SYT9: variants seen among roughly 807,000 people sequenced by gnomAD.
SYT9 encodes synaptotagmin 9, also known as synaptotagmin-9.
SYT9 carries 22 observed loss-of-function variants against 48.4 expected under a neutral mutation model. The ratio of observed to expected loss-of-function variants is 0.45; its 90% CI spans 0.32 to 0.65. SYT9 has a LOEUF of 0.65. SYT9 is among the 30% of genes least tolerant of loss of function. SYT9 has a pLI of 0.03. For missense variants in SYT9, 577 were observed against 622.0 expected, an observed-to-expected ratio of 0.93 and a Z score of 0.77; for synonymous variants, 265 against 245.0, an observed-to-expected ratio of 1.08 and a Z score of -0.76.
At chr11:7,255,037 G>A (rs1487861) in intron 1 of SYT9, among the ~76,000 whole-genome samples, 2 of 152,136 alleles carry the variant, frequency 1.3e-5, no homozygotes, top group African/African-American at 4.8e-5. Flanking sequence ...GTCACAGTTG[G>A]AACTGAAGTG....
At chr11:7,239,137 G>A (rs773222975) in intron 1 of SYT9, among the ~76,000 whole-genome samples, 1 of 152,094 alleles carries the variant, frequency 6.6e-6, no homozygotes, top group Non-Finnish European at 1.5e-5. Context: ...TTGGCAACTA[G>A]GAACCCAGAC....
rs1269628930 is a variant in SYT9, at chr11:7,468,654, A to T, written c.*1854A>T. 1 of 213,044 alleles carries T rather than the reference A, an allele frequency of 4.7e-6. No individual in the cohort carries two copies. The highest frequency in any genetic ancestry group is 2.3e-5 in the African/African-American group (1 of 43,748). The allele number at this position is 213,044 out of a possible 1,614,324, so 13.2% of individuals were successfully genotyped here. On this transcript the variant is annotated 3_prime_UTR_variant, in exon 7 of 7. Coordinates refer to ENST00000318881, the MANE Select transcript of SYT9 (RefSeq NM_175733.4). The stretch of plus-strand genomic sequence containing the variant: ...TCCCAGAGAAAGCAGACTGGCTCCA[A>T]TAGATATCAGGCAGCAATCCCAATA...
At chr11:7,308,539 T>C (rs144135757) in intron 2 of SYT9, among the ~76,000 whole-genome samples, 1 of 152,288 alleles carries the variant, frequency 6.6e-6, no homozygotes, top group East Asian at 1.9e-4. Flanking sequence ...GCTAGAGAGG[T>C]AGGACCAAGA....
intron 3 of SYT9, among the ~76,000 whole-genome samples, chr11:7,368,347 T>TG (rs71470474): frequency 4.6e-5 from 7 of 151,870 alleles, no homozygotes; most frequent in South Asian, 2.1e-4. Context: ...ATAATGGGGT[T>TG]TTGTTGTTGT....
intron 3 of SYT9, among the ~76,000 whole-genome samples, chr11:7,403,000 C>T (rs1456517968): frequency 6.6e-6 from 1 of 151,684 alleles, no homozygotes; most frequent in Non-Finnish European, 1.5e-5. Flanking sequence ...GAAATTATAC[C>T]TCTTTATCTT....
intron 3 of SYT9, among the ~76,000 whole-genome samples, chr11:7,412,489 G>T (rs183009316): frequency 6.6e-6 from 1 of 152,190 alleles, no homozygotes; most frequent in Non-Finnish European, 1.5e-5. Flanking sequence ...TGATAGCTTA[G>T]GGTGTGGTTA....
At chr11:7,257,988 T>G (rs982879300) in intron 1 of SYT9, among the ~76,000 whole-genome samples, 20 of 152,152 alleles carry the variant, frequency 1.3e-4, no homozygotes, top group African/African-American at 4.6e-4. Flanking sequence ...CACAAACTTT[T>G]TGATGTGGGA....
At chr11:7,407,525 C>T (rs1316042957) in intron 3 of SYT9, among the ~76,000 whole-genome samples, 2 of 101,138 alleles carry the variant, frequency 2.0e-5, no homozygotes, top group South Asian at 2.5e-4. Flanking sequence ...GGACTACAGG[C>T]GCCCGCCACC....
chr11:7,371,785 G>A (rs138242077), intron 3 of SYT9, among the ~76,000 whole-genome samples: 91 of 152,238 alleles, frequency 6.0e-4, no homozygotes, highest in African/African-American at 1.8e-3. Flanking sequence ...TTTGTTCAGC[G>A]TAATGCCTTT....
intron 1 of SYT9, among the ~76,000 whole-genome samples, chr11:7,244,436 A>G (rs1479757006): frequency 6.6e-6 from 1 of 152,248 alleles, no homozygotes; most frequent in Non-Finnish European, 1.5e-5. Flanking sequence ...GGAAAGAATA[A>G]AGCTCACAGA....
chr11:7,355,763 T>C (rs1458890476), intron 3 of SYT9, among the ~76,000 whole-genome samples: 1 of 152,242 alleles, frequency 6.6e-6, no homozygotes, highest in African/African-American at 2.4e-5. Flanking sequence ...CTTATCAAGG[T>C]TAAGTGGAAC....
intron 1 of SYT9, among the ~76,000 whole-genome samples, chr11:7,290,576 A>T (rs1259308650): frequency 6.6e-6 from 1 of 152,204 alleles, no homozygotes; most frequent in Non-Finnish European, 1.5e-5. Context: ...ACTTAAACAC[A>T]CAGCTTCTTT....
intron 3 of SYT9, among the ~76,000 whole-genome samples, chr11:7,389,928 A>G (rs1158616711): frequency 6.6e-6 from 1 of 152,210 alleles, no homozygotes; most frequent in African/African-American, 2.4e-5. Context: ...GAAATACAAT[A>G]ATTTTAACCT....
intron 1 of SYT9, among the ~76,000 whole-genome samples, chr11:7,276,722 G>A (rs766072674): frequency 1.0e-3 from 152 of 152,166 alleles, no homozygotes; most frequent in Admixed American, 1.8e-3. Context: ...GTGCTCTTTT[G>A]CATTTTCCTT....
chr11:7,413,154 G>A (rs536634095), intron 3 of SYT9, among the ~76,000 whole-genome samples: 2 of 152,324 alleles, frequency 1.3e-5, no homozygotes, highest in East Asian at 1.9e-4. Flanking sequence ...CTCATTGGGA[G>A]CAGCATAGGT....
At chr11:7,246,235 C>A (rs61880865) in intron 1 of SYT9, among the ~76,000 whole-genome samples, 33,223 of 152,114 alleles carry the variant, frequency 0.22, 4,636 homozygotes, top group Admixed American at 0.3. Flanking sequence ...TGCTGGCCAC[C>A]AGTGGCCTAG....
At position 7,467,823 on chromosome 11, in the gene SYT9, G is replaced by A. The variant is rs2134164741; in HGVS notation, c.*1023G>A. Reference sequence around the variant, plus strand: ...ATAGCCTTGGGCAACCACACATAGAGGTTTCCTTCTCACTTCAGACACATA... The same window carrying A: ...ATAGCCTTGGGCAACCACACATAGAAGTTTCCTTCTCACTTCAGACACATA... On this transcript the variant is annotated 3_prime_UTR_variant, in exon 7 of 7. Transcript: ENST00000318881. 1 of 154,462 alleles carries A rather than the reference G, an allele frequency of 6.5e-6. No individual in the cohort carries two copies. The highest frequency in any genetic ancestry group is 6.5e-5 in the Admixed American group (1 of 15,354). The allele number at this position is 154,462 out of a possible 1,614,324, so 9.6% of individuals were successfully genotyped here.
At chr11:7,368,303 A>C (rs1850289353) in intron 3 of SYT9, among the ~76,000 whole-genome samples, 2 of 152,056 alleles carry the variant, frequency 1.3e-5, no homozygotes, top group East Asian at 3.8e-4. Flanking sequence ...ATATATCACT[A>C]AACTGCTTTT....
intron 1 of SYT9, among the ~76,000 whole-genome samples, chr11:7,279,369 C>CA (rs147576000): frequency 2.6e-5 from 4 of 151,790 alleles, no homozygotes; most frequent in Non-Finnish European, 5.9e-5. Context: ...CCGTTGAGAA[C>CA]AAAAAAACTG....
Sources: allele counts gnomAD v4.1 joint callset (sites outside exome capture counted in the v4.1 genomes callset), GRCh38; gene constraint gnomAD v4.1.1; transcripts MANE v1.5; gene names NCBI Gene and HGNC (gene_info 2026-07-23, HGNC 2026-07-21).